The following ADCY8 variants were observed in gnomAD, a reference collection of about 807,000 sequenced individuals.
ADCY8 encodes adenylate cyclase 8.
ADCY8 carries 51 observed loss-of-function variants against 119.7 expected under a neutral mutation model. The ratio of observed to expected loss-of-function variants is 0.43; its 90% CI spans 0.34 to 0.54. The LOEUF is 0.54. Ranked by LOEUF, ADCY8 falls within the 20% of genes least tolerant of loss-of-function variation. The pLI, the probability that ADCY8 is intolerant of heterozygous loss-of-function variation, is 0.03. For synonymous variants in ADCY8, 665 were observed against 651.0 expected (o/e 1.02, Z -0.33); for missense variants, 1,383 against 1,598.8 (o/e 0.87, Z 2.30).
chr8:130,961,188 CA>C (rs781449590), intron 2 of ADCY8, among the ~76,000 whole-genome samples: 28 of 152,218 alleles, frequency 1.8e-4, no homozygotes, highest in Non-Finnish European at 3.2e-4. Flanking sequence ...TGGTTCACTG[CA>C]ACCTCTGCCT....
intron 11 of ADCY8, among the ~76,000 whole-genome samples, chr8:130,843,211 ATACTC>A (rs1315931344): frequency 6.6e-6 from 1 of 152,188 alleles, no homozygotes; most frequent in Non-Finnish European, 1.5e-5. Flanking sequence ...ACTTTTCTGA[ATACTC>A]TAACCTACTA....
rs374605470 is a variant in ADCY8 at position 130,855,099 on chromosome 8, GTCTCTC to G, written c.2211-5302_2211-5297del. ...TAAAGGAAAGAGCTGGGTAAGCACTGTCTCTCTCTCTCTCTCTCTTTTTTTTTTTTT... is the reference window on the plus strand; with the variant it reads ...TAAAGGAAAGAGCTGGGTAAGCACTGTCTCTCTCTCTCTTTTTTTTTTTTT... On this transcript the variant is annotated intron_variant, in intron 9 of 17. Coordinates refer to ENST00000286355, the MANE Select transcript of ADCY8 (RefSeq NM_001115.3). Among the ~76,000 whole-genome samples the G allele has an allele frequency of 1.2e-3, 176 of 146,390 alleles. 1 individual carries two copies. Among genetic ancestry groups the G allele is most frequent in the African/African-American group, 4.3e-3 (168 of 39,298 alleles).
At chr8:130,828,308 T>G (rs774694843) in intron 12 of ADCY8, among the ~76,000 whole-genome samples, 2 of 152,212 alleles carry the variant, frequency 1.3e-5, no homozygotes, top group Non-Finnish European at 2.9e-5. Context: ...GAAGGCGTAC[T>G]TGTGATTTTT....
chr8:130,953,707 T>C (rs1187714032), intron 2 of ADCY8, among the ~76,000 whole-genome samples: 1 of 152,070 alleles, frequency 6.6e-6, no homozygotes, highest in East Asian at 1.9e-4. Flanking sequence ...CTTCAAAGAG[T>C]TGCTGTGAGA....
chr8:130,943,566 G>A (rs933450378), intron 3 of ADCY8, 104 bp from the exon 4 acceptor site: 1 of 703,480 alleles, frequency 1.4e-6, no homozygotes, highest in Non-Finnish European at 2.5e-6. Flanking sequence ...AACTGTCTTT[G>A]TGGTCTGAGA....
intron 5 of ADCY8, among the ~76,000 whole-genome samples, chr8:130,927,804 G>T (rs921906232): frequency 2.0e-5 from 3 of 151,820 alleles, no homozygotes; most frequent in African/African-American, 7.3e-5. Context: ...TCTTTCTCTT[G>T]TTTGACCGCT....
At chr8:130,880,088 C>T (rs537832904) in intron 8 of ADCY8, among the ~76,000 whole-genome samples, 12 of 152,292 alleles carry the variant, frequency 7.9e-5, no homozygotes, top group African/African-American at 2.9e-4. Context: ...GTGACTTGCT[C>T]CTCCTTCACC....
In ADCY8 at chr8:131,040,198, T is replaced by G. The variant is rs752550729; in HGVS notation, c.136A>C (p.Thr46Pro). 6.5e-7 allele frequency: 1 copy of G among 1,536,144 alleles called. No individual in the cohort carries two copies. ...TGCCCGTGAATGAAGCGCTGCTCCG[T>G]GATGTGTCGCACCGCCGTCTGCCAC... is the stretch of plus-strand genomic sequence containing the variant. The part of the protein sequence containing the change: ...LLWQTAVRHI[T>P]EQRFIHGHRG... The change falls in exon 1 of 18, where the codon ACG (threonine) becomes CCG (proline). Residue 46 changes from threonine (T) to proline (P), a missense_variant. Coordinates refer to ENST00000286355, the MANE Select transcript of ADCY8 (RefSeq NM_001115.3).
intron 2 of ADCY8, among the ~76,000 whole-genome samples, chr8:130,984,855 C>A (rs1822349143): frequency 6.6e-6 from 1 of 152,088 alleles, no homozygotes; most frequent in Non-Finnish European, 1.5e-5. Flanking sequence ...ATGAGGCTAT[C>A]AAGCTGGTGC....
chr8:130,846,898 T>C (rs1352443814), intron 11 of ADCY8, among the ~76,000 whole-genome samples: 1 of 79,674 alleles, frequency 1.3e-5, no homozygotes, highest in African/African-American at 4.8e-5. Flanking sequence ...TTTCCTTCCT[T>C]CCTTCCTTCC....
chr8:130,977,774 C>A (rs1038815519), intron 2 of ADCY8, among the ~76,000 whole-genome samples: 9 of 152,200 alleles, frequency 5.9e-5, no homozygotes, highest in African/African-American at 2.2e-4. Context: ...AGTGGCAGCA[C>A]CCAGATGTGC....
At position 130,836,355 on chromosome 8, in the gene ADCY8, A is replaced by G; in HGVS notation, c.2597T>C (p.Ile866Thr). 1 of 1,614,012 alleles carries G rather than the reference A, an allele frequency of 6.2e-7. No homozygotes were observed. Among genetic ancestry groups the G allele is most frequent in the African/African-American group, 1.3e-5 (1 of 75,020 alleles). Residue 866 changes from isoleucine (I) to threonine (T), a missense_variant, in exon 12 of 18, where the codon ATT becomes ACT. Around this residue, in one of 2 missense-constraint regions of ADCY8, gnomAD observed 928 missense variants for 1,163.5 expected, o/e 0.80. Coordinates refer to ENST00000286355, the MANE Select transcript of ADCY8 (RefSeq NM_001115.3). The part of the protein sequence containing the change: ...VLKLAVLLIM[I>T]AIYALLTETV... Reference sequence around the variant, plus strand: ...CTCAGTGAGCAGGGCATAGATGGCAATCATGATCAGCAGCACTGCCAGCTT... The same window carrying G: ...CTCAGTGAGCAGGGCATAGATGGCAGTCATGATCAGCAGCACTGCCAGCTT...
At chr8:130,961,483 A>G (rs1292781351) in intron 2 of ADCY8, among the ~76,000 whole-genome samples, 6 of 151,772 alleles carry the variant, frequency 4.0e-5, no homozygotes, top group Non-Finnish European at 8.8e-5. Flanking sequence ...ATGAGTCTTC[A>G]TAAATCTCTC....
Position 130,922,818 on chromosome 8 carries a change from G to A in ADCY8, c.1482-12952C>T, listed in dbSNP as rs886846686. On this transcript the variant is annotated intron_variant, in intron 5 of 17. Coordinates refer to ENST00000286355, the MANE Select transcript of ADCY8 (RefSeq NM_001115.3). Reference sequence around the variant, plus strand: ...ATTCTGTCAGTAAGCAACAGAAAACGGGCTAATAAAGATGAACATGATTCA... The same window carrying A: ...ATTCTGTCAGTAAGCAACAGAAAACAGGCTAATAAAGATGAACATGATTCA... Among the ~76,000 whole-genome samples the A allele has an allele frequency of 9.9e-5, 15 of 152,260 alleles. No individual in the cohort carries two copies. The East Asian group carries it at 2.1e-3, about 22-fold the overall frequency.
rs571429229 is a variant in ADCY8, at chr8:130,951,870, G to C, written c.1239C>G (p.Val413=). 1.9e-6 allele frequency: 3 copies of C among 1,613,854 alleles called. No individual in the cohort carries two copies. Among genetic ancestry groups the C allele is most frequent in the African/African-American group, 1.3e-5 (1 of 74,918 alleles). ...GGCAAGGGTGTTGTGTTTCTCACCT[G>C]ACGTTCTCATAGCGATGGATGTAGA... ...HRIYIHRYEN[V]SILFADVKGF... Residue 413 remains valine, a splice_region_variant and synonymous_variant, in exon 3 of 18, where the codon GTC becomes GTG. Coordinates refer to ENST00000286355, the MANE Select transcript of ADCY8 (RefSeq NM_001115.3).
At position 130,922,507 on chromosome 8, in the gene ADCY8, A is replaced by G. The variant is rs949547640; in HGVS notation, c.1482-12641T>C. Among the ~76,000 whole-genome samples, 337 of 152,170 alleles carry G rather than the reference A, an allele frequency of 2.2e-3. 2 individuals carry two copies. Among genetic ancestry groups the G allele is most frequent in the African/African-American group, 7.9e-3 (327 of 41,492 alleles). On this transcript the variant is annotated intron_variant, in intron 5 of 17. Coordinates refer to ENST00000286355, the MANE Select transcript of ADCY8 (RefSeq NM_001115.3). ...CCTGAGTGGACACAGCACATGTTTC[A>G]GAGAGCACAGGGTTGGGGGTAAGGT...
intron 1 of ADCY8, among the ~76,000 whole-genome samples, chr8:131,031,112 A>G (rs1206368518): frequency 2.6e-5 from 4 of 152,144 alleles, no homozygotes; most frequent in Admixed American, 1.3e-4. Context: ...ATCTCCCTAC[A>G]TAGGATATTC....
intron 15 of ADCY8, among the ~76,000 whole-genome samples, chr8:130,798,462 A>C (rs143935871): frequency 7.2e-5 from 11 of 152,312 alleles, no homozygotes; most frequent in African/African-American, 2.6e-4. Context: ...TGTGAGAGCC[A>C]GGTGGGCTTG....
At chr8:130,895,815 G>A (rs961797561) in intron 7 of ADCY8, among the ~76,000 whole-genome samples, 1 of 152,132 alleles carries the variant, frequency 6.6e-6, no homozygotes, top group Non-Finnish European at 1.5e-5. Context: ...GGAAAAATAT[G>A]CCTGTGATTC....
Sources: gnomAD v4.1 joint callset for allele counts (sites outside exome capture counted in the v4.1 genomes callset) on GRCh38, gnomAD v4.1.1 for gene constraint, gnomAD v4.1.1 regional missense constraint, MANE v1.5 for transcripts, NCBI Gene and HGNC (gene_info 2026-07-23, HGNC 2026-07-21) for gene names.